The following ANTXR2 variants were observed in gnomAD, a reference collection of about 807,000 sequenced individuals.
ANTXR2 encodes ANTXR cell adhesion molecule 2.
Under a neutral mutation model 73.7 loss-of-function variants are expected in ANTXR2, and 44 were observed. The ratio of observed to expected loss-of-function variants is 0.60; its 90% CI spans 0.47 to 0.77. The LOEUF is 0.77. ANTXR2 is among the 30% of genes least tolerant of loss of function. ANTXR2 has a pLI of 0.00. For synonymous variants in ANTXR2, 217 were observed against 205.9 expected, an observed-to-expected ratio of 1.05 and a Z score of -0.46; for missense variants, 604 against 592.5, an observed-to-expected ratio of 1.02 and a Z score of -0.20.
In ANTXR2 at chr4:80,059,503, C is replaced by T. The variant is rs531006876; in HGVS notation, c.297-3490G>A. On this transcript the variant is annotated intron_variant, in intron 3 of 16. Transcript: ENST00000403729. ...TCTCCCAAGTAGCTGAGACTACAGG[C>T]ATATACCATTATACCAGGCTACTTT... is the stretch of plus-strand genomic sequence containing the variant. Among the ~76,000 whole-genome samples, 6 of 152,102 alleles carry T rather than the reference C, an allele frequency of 3.9e-5. No homozygotes were observed. The South Asian group carries it at 1.2e-3, about 32-fold the overall frequency.
At chr4:79,995,629 T>C (rs562668075) in intron 12 of ANTXR2, among the ~76,000 whole-genome samples, 2 of 152,128 alleles carry the variant, frequency 1.3e-5, no homozygotes, top group Admixed American at 6.6e-5. Flanking sequence ...AGGTTTTTGC[T>C]TCTATGCCTT....
chr4:80,040,509 G>T (rs1004521345), intron 7 of ANTXR2, among the ~76,000 whole-genome samples: 1 of 151,996 alleles, frequency 6.6e-6, no homozygotes, highest in South Asian at 2.1e-4. Context: ...AGAGAAAATT[G>T]TAAGGACTTT....
intron 3 of ANTXR2, among the ~76,000 whole-genome samples, chr4:80,061,952 T>A (rs957278769): frequency 5.9e-5 from 9 of 152,198 alleles, no homozygotes; most frequent in Admixed American, 5.2e-4. Flanking sequence ...TAATTTGTTC[T>A]CACCAAGTTC....
intron 16 of ANTXR2, among the ~76,000 whole-genome samples, chr4:79,946,980 T>C (rs1728539166): frequency 6.6e-6 from 1 of 152,146 alleles, no homozygotes. Flanking sequence ...CCCATGTAGG[T>C]AATAATCCAA....
At chr4:80,067,216 A>G (rs546594942) in intron 3 of ANTXR2, among the ~76,000 whole-genome samples, 13 of 149,660 alleles carry the variant, frequency 8.7e-5, no homozygotes, top group Non-Finnish European at 1.8e-4. Flanking sequence ...ACAAAAAAAA[A>G]AAAGAAAGAA....
At chr4:79,959,371 G>C (rs1346247749) in intron 16 of ANTXR2, among the ~76,000 whole-genome samples, 1 of 152,058 alleles carries the variant, frequency 6.6e-6, no homozygotes, top group African/African-American at 2.4e-5. Flanking sequence ...AAAGATAACA[G>C]AAATGTTTAA....
In ANTXR2 at chr4:79,901,723, T is replaced by C; in HGVS notation, c.*5706A>G. 1.2e-5 allele frequency: 2 copies of C among 168,560 alleles called. No individual in the cohort carries two copies. Among genetic ancestry groups the C allele is most frequent in the Non-Finnish European group, 2.4e-5 (2 of 81,862 alleles). 10.4% of individuals were successfully genotyped at this position (168,560 alleles called of 1,614,324 possible). A position where few individuals can be genotyped will look rare whatever the true frequency, so the allele number is the denominator to read the frequency against. On this transcript the variant is annotated 3_prime_UTR_variant, in exon 17 of 17. Transcript: ENST00000403729. ...GAATCAGTGGGAGCCTGAGCTTGTT[T>C]TCCTGCAACTAGATGGTCCCATCTG...
chr4:79,979,369 AC>A (rs1729786552), intron 14 of ANTXR2, among the ~76,000 whole-genome samples: 1 of 152,098 alleles, frequency 6.6e-6, no homozygotes. Context: ...CCGAGGGCAC[AC>A]TATGACACAT....
At chr4:80,004,454 G>C (rs985818976) in intron 12 of ANTXR2, among the ~76,000 whole-genome samples, 1 of 151,310 alleles carries the variant, frequency 6.6e-6, no homozygotes, top group East Asian at 1.9e-4. Flanking sequence ...AGTCTTACAG[G>C]GTTAAAAATC....
intron 10 of ANTXR2, among the ~76,000 whole-genome samples, chr4:80,029,159 T>A (rs975782425): frequency 7.9e-5 from 12 of 152,122 alleles, no homozygotes; most frequent in Admixed American, 5.9e-4. Flanking sequence ...TACAAATAAT[T>A]AAAGTGTATC....
chr4:80,053,729 G>C (rs1234107180), intron 7 of ANTXR2, among the ~76,000 whole-genome samples: 3 of 151,614 alleles, frequency 2.0e-5, no homozygotes, highest in African/African-American at 7.3e-5. Flanking sequence ...CCCTGTTTAG[G>C]ATAGCCTAGA....
chr4:80,015,262 T>TACC (rs2110064492), intron 11 of ANTXR2, among the ~76,000 whole-genome samples: 1 of 152,312 alleles, frequency 6.6e-6, no homozygotes, highest in East Asian at 1.9e-4. Context: ...CTTTGGATGT[T>TACC]TCCAATGGCA....
chr4:79,948,139 G>C (rs763316293), intron 16 of ANTXR2, among the ~76,000 whole-genome samples: 1 of 152,048 alleles, frequency 6.6e-6, no homozygotes. Flanking sequence ...GTGCTCAAAG[G>C]CATCTGTTAT....
At chr4:80,046,297 A>G (rs1316244342) in intron 7 of ANTXR2, among the ~76,000 whole-genome samples, 1 of 151,770 alleles carries the variant, frequency 6.6e-6, no homozygotes, top group Non-Finnish European at 1.5e-5. Flanking sequence ...TCATTACAAT[A>G]TAGAAAAAAT....
intron 16 of ANTXR2, among the ~76,000 whole-genome samples, chr4:79,943,673 C>T (rs1728400098): frequency 7.2e-6 from 1 of 138,186 alleles, no homozygotes; most frequent in Non-Finnish European, 1.5e-5. Context: ...CAGCATGGCA[C>T]ATGTATACAT....
At position 80,072,565 on chromosome 4, in the gene ANTXR2, C is replaced by A. The variant is rs765908500; in HGVS notation, c.-5G>T. 6.5e-7 allele frequency: 1 copy of A among 1,535,600 alleles called. No homozygotes were observed. Among genetic ancestry groups the A allele is most frequent in the South Asian group, 1.2e-5 (1 of 81,940 alleles). The stretch of plus-strand genomic sequence containing the variant: ...CGGGGACCGCTCCGCCACCATCCTG[C>A]GGCCGGGGGCCTGAGACTCCCTCCC... On this transcript the variant is annotated 5_prime_UTR_variant, in exon 1 of 17. Transcript: ENST00000403729.
chr4:79,958,856 G>A (rs561418597), intron 16 of ANTXR2, among the ~76,000 whole-genome samples: 1 of 152,124 alleles, frequency 6.6e-6, no homozygotes, highest in East Asian at 1.9e-4. Context: ...TCTGTAAACT[G>A]GACTAATGAG....
At chr4:79,982,484 T>C (rs1729933583) in intron 14 of ANTXR2, among the ~76,000 whole-genome samples, 1 of 152,274 alleles carries the variant, frequency 6.6e-6, no homozygotes, top group South Asian at 2.1e-4. Flanking sequence ...TATTTCGAAG[T>C]GTATGTTTTA....
At chr4:79,989,161 A>T (rs1460102488) in intron 12 of ANTXR2, among the ~76,000 whole-genome samples, 2 of 152,068 alleles carry the variant, frequency 1.3e-5, no homozygotes, top group Non-Finnish European at 2.9e-5. Flanking sequence ...GAACTGAAGG[A>T]AACTGAGATA....
Sources: allele counts gnomAD v4.1 joint callset (sites outside exome capture counted in the v4.1 genomes callset), GRCh38; gene constraint gnomAD v4.1.1; transcripts MANE v1.5; gene names NCBI Gene and HGNC (gene_info 2026-07-23, HGNC 2026-07-21).